The following CADM2 variants were observed in gnomAD, a reference collection of about 807,000 sequenced individuals.
CADM2 encodes immunoglobulin superfamily member 4D.
A neutral mutation model predicts 49.8 loss-of-function variants in CADM2; 12 were observed. The observed-to-expected ratio is 0.24, with a 90% CI of 0.15 to 0.39. The LOEUF (loss-of-function observed/expected upper bound fraction) is 0.39, where lower values mean the gene tolerates loss of function less well. Ranked by LOEUF, CADM2 falls within the 10% of genes least tolerant of loss-of-function variation. CADM2 has a pLI of 1.00. For synonymous variants in CADM2, 214 were observed against 175.4 expected (o/e 1.22, Z -1.74); for missense variants, 378 against 492.3 (o/e 0.77, Z 2.20).
chr3:85,758,203 A>T (rs1193923347), intron 2 of CADM2, among the ~76,000 whole-genome samples: 1 of 152,130 alleles, frequency 6.6e-6, no homozygotes, highest in Non-Finnish European at 1.5e-5. Flanking sequence ...AGCACAACAG[A>T]GCAGCTTGTA....
At chr3:85,734,345 A>G (rs141208644) in intron 2 of CADM2, among the ~76,000 whole-genome samples, 39 of 152,094 alleles carry the variant, frequency 2.6e-4, no homozygotes, top group African/African-American at 7.9e-4. Context: ...GTAATATCCT[A>G]TATAATTCCT....
intron 8 of CADM2, among the ~76,000 whole-genome samples, chr3:86,031,657 A>G (rs1258187822): frequency 6.6e-6 from 1 of 151,794 alleles, no homozygotes; most frequent in Non-Finnish European, 1.5e-5. Flanking sequence ...GTACCTTCCA[A>G]AAGAATAGCT....
intron 1 of CADM2, among the ~76,000 whole-genome samples, chr3:85,423,136 G>A (rs2036251248): frequency 6.6e-6 from 1 of 152,094 alleles, no homozygotes; most frequent in South Asian, 2.1e-4. Context: ...TCCTAAGGCA[G>A]ATTTCTTCTC....
chr3:85,086,888 T>A (rs1347827056), intron 1 of CADM2, among the ~76,000 whole-genome samples: 1 of 152,166 alleles, frequency 6.6e-6, no homozygotes, highest in African/African-American at 2.4e-5. Context: ...ATATATGGTG[T>A]AGCCATCTGC....
At chr3:85,188,458 G>A (rs142022571) in intron 1 of CADM2, among the ~76,000 whole-genome samples, 2 of 152,104 alleles carry the variant, frequency 1.3e-5, no homozygotes, top group African/African-American at 4.8e-5. Context: ...AATTATTTCT[G>A]TATTTGCTCA....
chr3:86,065,676 T>C lies in CADM2; in HGVS notation c.1042T>C (p.Phe348Leu). 6.2e-7 allele frequency: 1 copy of C among 1,614,082 alleles called. No homozygotes were observed. Among genetic ancestry groups the C allele is most frequent in the Non-Finnish European group, 8.5e-7 (1 of 1,179,980 alleles). Residue 348 changes from phenylalanine (F) to leucine (L), a missense_variant, in exon 9 of 10, where the codon TTT becomes CTT. Physicochemically the swap from Phe to Leu is conservative, Grantham distance 22 (BLOSUM62 0). Coordinates refer to ENST00000383699, the MANE Select transcript of CADM2 (RefSeq NM_001167675.2). ...AGGAGGAATAGTGGCTGTAGTTGTA[T>C]TTGTCACGCTGTGTTCTATCTTTCT... ...LIGGIVAVVV[F>L]VTLCSIFLLG...
At chr3:85,639,365 C>T (rs1222624481) in intron 1 of CADM2, among the ~76,000 whole-genome samples, 1 of 152,106 alleles carries the variant, frequency 6.6e-6, no homozygotes. Context: ...ACTATGCTCC[C>T]GTGTTTACTG....
intron 1 of CADM2, among the ~76,000 whole-genome samples, chr3:85,129,653 C>T (rs947913252): frequency 6.6e-6 from 1 of 152,156 alleles, no homozygotes; most frequent in Admixed American, 6.5e-5. Flanking sequence ...AAAATGAATG[C>T]TGGTGCTAGG....
At chr3:85,937,126 G>T (rs1439314426) in intron 7 of CADM2, among the ~76,000 whole-genome samples, 7 of 151,620 alleles carry the variant, frequency 4.6e-5, no homozygotes, top group Non-Finnish European at 1.0e-4. Context: ...TTTACTTATG[G>T]AAATTATTAG....
chr3:85,840,492 A>G (rs1236985050), intron 3 of CADM2, among the ~76,000 whole-genome samples: 1 of 151,886 alleles, frequency 6.6e-6, no homozygotes, highest in South Asian at 2.1e-4. Context: ...AATATTGTAT[A>G]ATTTTACTTT....
At chr3:85,735,116 T>C (rs1045595094) in intron 2 of CADM2, among the ~76,000 whole-genome samples, 1 of 151,950 alleles carries the variant, frequency 6.6e-6, no homozygotes, top group African/African-American at 2.4e-5. Context: ...ATACATCAGT[T>C]TAAGAAAAAA....
At chr3:85,248,568 G>A (rs373208677) in intron 1 of CADM2, among the ~76,000 whole-genome samples, 1 of 152,178 alleles carries the variant, frequency 6.6e-6, no homozygotes, top group Non-Finnish European at 1.5e-5. Flanking sequence ...GAGCAAACAC[G>A]CCCAGCCTAC....
intron 1 of CADM2, among the ~76,000 whole-genome samples, chr3:84,995,322 G>A (rs1354280384): frequency 2.0e-5 from 3 of 152,066 alleles, no homozygotes; most frequent in Non-Finnish European, 4.4e-5. Flanking sequence ...AGCAAACCTC[G>A]TTTGCAACTA....
chr3:85,111,482 G>C (rs1310946695), intron 1 of CADM2, among the ~76,000 whole-genome samples: 2 of 151,816 alleles, frequency 1.3e-5, no homozygotes. Flanking sequence ...GTTCTTTAGA[G>C]ATCATTATGT....
At chr3:86,001,590 A>G (rs1037980065) in intron 8 of CADM2, among the ~76,000 whole-genome samples, 4 of 152,024 alleles carry the variant, frequency 2.6e-5, no homozygotes, top group African/African-American at 9.7e-5. Context: ...GTAAAGGGGG[A>G]TGATGGGCTG....
chr3:86,025,504 T>C (rs1733800530), intron 8 of CADM2, among the ~76,000 whole-genome samples: 1 of 152,152 alleles, frequency 6.6e-6, no homozygotes, highest in Non-Finnish European at 1.5e-5. Context: ...TAAATCTTTA[T>C]ACAAATGATT....
chr3:85,585,608 G>A (rs62250504), intron 1 of CADM2, among the ~76,000 whole-genome samples: 45,130 of 151,688 alleles, frequency 0.3, 7,915 homozygotes, highest in East Asian at 0.55. Flanking sequence ...ATCCACTGAC[G>A]ATCTTGAAAC....
intron 1 of CADM2, among the ~76,000 whole-genome samples, chr3:85,368,112 C>T (rs923347672): frequency 4.6e-5 from 7 of 151,938 alleles, no homozygotes; most frequent in Admixed American, 1.3e-4. Flanking sequence ...AATAATTTTT[C>T]CAGTTACCAA....
intron 1 of CADM2, among the ~76,000 whole-genome samples, chr3:85,313,324 A>G (rs2044390639): frequency 6.6e-6 from 1 of 152,264 alleles, no homozygotes; most frequent in South Asian, 2.1e-4. Context: ...ATTTTATCCC[A>G]ATAAATCTCT....
Sources: gnomAD v4.1 joint callset for allele counts (sites outside exome capture counted in the v4.1 genomes callset) on GRCh38, gnomAD v4.1.1 for gene constraint, MANE v1.5 for transcripts, NCBI Gene and HGNC (gene_info 2026-07-23, HGNC 2026-07-21) for gene names.